PCYOX1L: variants seen among roughly 807,000 people sequenced by gnomAD.
PCYOX1L encodes prenylcysteine oxidase 1-like.
In PCYOX1L, 40 loss-of-function variants were observed where a neutral mutation model predicts 44.1. The ratio of observed to expected loss-of-function variants is 0.91; its 90% CI spans 0.70 to 1.18. The LOEUF (loss-of-function observed/expected upper bound fraction) is 1.18, where lower values mean the gene tolerates loss of function less well. Ranked by LOEUF, PCYOX1L falls within the 50% of genes most tolerant of loss-of-function variation. The probability of loss-of-function intolerance (pLI) is 0.00; values close to 1 mark genes in which losing one functional copy is unlikely to be tolerated. For missense variants in PCYOX1L, 605 were observed against 653.3 expected (o/e 0.93, Z 0.81); for synonymous variants, 266 against 282.8 (o/e 0.94, Z 0.60).
chr5:149,366,348 A>C (rs1455866133), intron 4 of PCYOX1L, among the ~76,000 whole-genome samples, 195 bp downstream of exon 4: 5 of 152,246 alleles, frequency 3.3e-5, no homozygotes, highest in Non-Finnish European at 7.3e-5. Flanking sequence ...CTTCACAGAC[A>C]GTGAAAGCAA....
rs558997753 is a variant in PCYOX1L, at chr5:149,361,067, T to C, written c.89-1570T>C. ...AATTATAGGTAGGGTGGTAGTCCAG[T>C]TCAGTAGCTTCATAGCTGGTTTATA... On this transcript the variant is annotated intron_variant, in intron 1 of 5. Transcript: ENST00000274569. Among the ~76,000 whole-genome samples the C allele has an allele frequency of 2.6e-5, 4 of 152,288 alleles. No individual in the cohort carries two copies. In the South Asian group the frequency reaches 8.3e-4, roughly 32 times the overall value.
In PCYOX1L at chr5:149,360,567, T is replaced by G. The variant is rs562975840; in HGVS notation, c.89-2070T>G. 3.3e-5 allele frequency among the ~76,000 whole-genome samples: 5 copies of G among 152,274 alleles called. No individual in the cohort carries two copies. The East Asian group carries it at 7.7e-4, about 23-fold the overall frequency. ...TGATCATGCACTCTCTCTCTGTCCT[T>G]AAATAACTTGACTACAGTACGGCTA... On this transcript the variant is annotated intron_variant, in intron 1 of 5. Transcript: ENST00000274569.
chr5:149,360,028 C>T lies in PCYOX1L; in HGVS notation c.88+1872C>T, dbSNP rs186268693. On this transcript the variant is annotated intron_variant, in intron 1 of 5. Coordinates refer to ENST00000274569, the MANE Select transcript of PCYOX1L (RefSeq NM_024028.4). ...CCTCTCACTGACAAAGCTGATTGTC[C>T]TCCAGCATCTTGCATGAAATCTTAT... is the stretch of plus-strand genomic sequence containing the variant. Among the ~76,000 whole-genome samples, 325 of 152,324 alleles carry T rather than the reference C, an allele frequency of 2.1e-3. 3 individuals are homozygous for T. Among genetic ancestry groups the T allele is most frequent in the Non-Finnish European group, 3.5e-3 (241 of 68,026 alleles).
At position 149,368,716 on chromosome 5, in the gene PCYOX1L, C is replaced by T; in HGVS notation, c.*62C>T. The T allele has an allele frequency of 6.9e-7, 1 of 1,452,792 alleles. No individual in the cohort carries two copies. The highest frequency in any genetic ancestry group is 9.1e-7 in the Non-Finnish European group (1 of 1,097,308). The allele number at this position is 1,452,792 out of a possible 1,614,324, so 90.0% of individuals were successfully genotyped here. On this transcript the variant is annotated 3_prime_UTR_variant, in exon 6 of 6. Coordinates refer to ENST00000274569, the MANE Select transcript of PCYOX1L (RefSeq NM_024028.4). Reference sequence around the variant, plus strand: ...CTGAAGATGGATCATCCCACAGCAGCCCAGGACTGAATAAGCCATGCTCGC... The same window carrying T: ...CTGAAGATGGATCATCCCACAGCAGTCCAGGACTGAATAAGCCATGCTCGC...
chr5:149,366,050 G>C lies in PCYOX1L; in HGVS notation c.579G>C (p.Glu193Asp). 6.2e-7 allele frequency: 1 copy of C among 1,614,244 alleles called. No homozygotes were observed. Among genetic ancestry groups the C allele is most frequent in the Non-Finnish European group, 8.5e-7 (1 of 1,180,042 alleles). ...ACATGACCCAGCACTCTGTGGCTGA[G>C]TCCCTGCTGCAGGTGGGCGTCACGC... ...FVNMTQHSVAESLLQVGVTQR... is the reference protein window; with the variant it reads ...FVNMTQHSVADSLLQVGVTQR... Residue 193 changes from glutamate to aspartate, a missense_variant, in exon 4 of 6, where the codon GAG (glutamate) becomes GAC (aspartate). Transcript: ENST00000274569.
intron 2 of PCYOX1L, chr5:149,363,363 C>T (rs1474925642): frequency 9.6e-6 from 3 of 312,668 alleles, no homozygotes; most frequent in Non-Finnish European, 1.9e-5. Context: ...TACAGGTGGT[C>T]TTACAGATGT....
At chr5:149,360,200 T>C (rs1757969359) in intron 1 of PCYOX1L, among the ~76,000 whole-genome samples, 1 of 152,238 alleles carries the variant, frequency 6.6e-6, no homozygotes, top group South Asian at 2.1e-4. Flanking sequence ...GCTGGGGTCC[T>C]GGGGGACAGA....
intron 2 of PCYOX1L, 110 bp downstream of exon 2, chr5:149,362,953 A>C (rs527374498): frequency 8.3e-7 from 1 of 1,204,518 alleles, no homozygotes; most frequent in South Asian, 1.2e-5. Context: ...ATGTGGCCCA[A>C]TCTCATTTTA....
At chr5:149,361,467 A>G (rs1032700186) in intron 1 of PCYOX1L, among the ~76,000 whole-genome samples, 11 of 152,196 alleles carry the variant, frequency 7.2e-5, no homozygotes, top group Admixed American at 2.6e-4. Context: ...CTTCGATGAG[A>G]ATAGTGATGG....
chr5:149,360,547 A>G (rs1333281641), intron 1 of PCYOX1L, among the ~76,000 whole-genome samples: 2 of 152,196 alleles, frequency 1.3e-5, no homozygotes, highest in East Asian at 1.9e-4. Context: ...CATAGTGATC[A>G]TGCACTCTCT....
chr5:149,358,871 A>G (rs1466134866), intron 1 of PCYOX1L, among the ~76,000 whole-genome samples: 4 of 152,052 alleles, frequency 2.6e-5, no homozygotes, highest in Non-Finnish European at 5.9e-5. Flanking sequence ...CTGTATACCC[A>G]CCACCTACAT....
At chr5:149,363,543 C>T in intron 2 of PCYOX1L, 1 of 219,376 alleles carries the variant, frequency 4.6e-6, no homozygotes, top group Non-Finnish European at 9.2e-6. Flanking sequence ...TGCCCAGATA[C>T]AGGGCAATCT....
intron 1 of PCYOX1L, among the ~76,000 whole-genome samples, chr5:149,361,480 T>A (rs1380660826): frequency 1.3e-5 from 2 of 152,206 alleles, no homozygotes; most frequent in African/African-American, 2.4e-5. Flanking sequence ...AGTGATGGCA[T>A]GTAAACCAAG....
Position 149,367,352 on chromosome 5 carries a change from T to C in PCYOX1L, c.683-8T>C. The C allele has an allele frequency of 1.2e-6, 2 of 1,606,594 alleles. No homozygotes were observed. On this transcript the variant is annotated splice_polypyrimidine_tract_variant and splice_region_variant and intron_variant, in intron 4 of 5. Transcript: ENST00000274569. The stretch of plus-strand genomic sequence containing the variant: ...AACCTATCAGCACCCACTTCCCGCT[T>C]TGCCCAGGAGCCATGTCACTAGCCG...
At chr5:149,367,758 C>T (rs1167045677) in intron 5 of PCYOX1L, among the ~76,000 whole-genome samples, 1 of 152,232 alleles carries the variant, frequency 6.6e-6, no homozygotes, top group Non-Finnish European at 1.5e-5. Context: ...CATCCTTGCC[C>T]ACGCTCCCCC....
In PCYOX1L at chr5:149,365,963, C is replaced by T. The variant is rs139450629; in HGVS notation, c.492C>T (p.His164=). The stretch of plus-strand genomic sequence containing the variant: ...CTAGGATCTATAAGTACCAGGCCCA[C>T]GGCTATGCCTTCTCGGGTGTGGAGG... ...KFMRIYKYQA[H]GYAFSGVEEL... The change falls in exon 4 of 6, where the codon CAC becomes CAT. Residue 164 remains histidine (H), a synonymous_variant. Transcript: ENST00000274569. 635 of 1,614,216 alleles carry T rather than the reference C, an allele frequency of 3.9e-4. 1 individual carries two copies. Among genetic ancestry groups the T allele is most frequent in the Non-Finnish European group, 5.0e-4 (594 of 1,180,030 alleles).
At position 149,368,771 on chromosome 5, in the gene PCYOX1L, A is replaced by G; in HGVS notation, c.*117A>G. The stretch of plus-strand genomic sequence containing the variant: ...CAGGCTTCTTTCTGACCCCTCATGT[A>G]TCAAGCATCTCCAGGTGACCTACTG... On this transcript the variant is annotated 3_prime_UTR_variant, in exon 6 of 6. Transcript: ENST00000274569. The G allele has an allele frequency of 9.4e-7, 1 of 1,058,316 alleles. No homozygotes were observed. Among genetic ancestry groups the G allele is most frequent in the Non-Finnish European group, 1.3e-6 (1 of 780,920 alleles). The allele number at this position is 1,058,316 out of a possible 1,614,324, so 65.6% of individuals were successfully genotyped here.
At position 149,358,080 on chromosome 5, in the gene PCYOX1L, AG is replaced by A; in HGVS notation, c.13del (p.Ala5ProfsTer7). The A allele has an allele frequency of 7.1e-7, 1 of 1,413,196 alleles. No individual in the cohort carries two copies. Among genetic ancestry groups the A allele is most frequent in the Non-Finnish European group, 9.2e-7 (1 of 1,085,100 alleles). 87.5% of individuals were successfully genotyped at this position (1,413,196 alleles called of 1,614,324 possible). A position where few individuals can be genotyped will look rare whatever the true frequency, so the allele number is the denominator to read the frequency against. The stretch of plus-strand genomic sequence containing the variant: ...GCTCGCCGCCCGCCATGGCCCGCGC[AG>A]CCCCGCTGCTCGCCGCGTTGACCGC... MARA[A>X]PLLAALTALL... On this transcript the variant is annotated frameshift_variant, in exon 1 of 6. Coordinates refer to ENST00000274569, the MANE Select transcript of PCYOX1L (RefSeq NM_024028.4). LOFTEE classifies it high-confidence loss of function.
At chr5:149,366,999 C>T (rs776673557) in intron 4 of PCYOX1L, among the ~76,000 whole-genome samples, 23 of 152,260 alleles carry the variant, frequency 1.5e-4, no homozygotes, top group Non-Finnish European at 2.6e-4. Context: ...TTTTTATCAC[C>T]CCAGAAAGAA....
Sources: allele counts gnomAD v4.1 joint callset (sites outside exome capture counted in the v4.1 genomes callset), GRCh38; gene constraint gnomAD v4.1.1; transcripts MANE v1.5; gene names NCBI Gene and HGNC (gene_info 2026-07-23, HGNC 2026-07-21).